EXOC4: variants seen among roughly 807,000 people sequenced by gnomAD.
The protein encoded by EXOC4 is SEC8-like 1.
Under a neutral mutation model 107.2 loss-of-function variants are expected in EXOC4, and 71 were observed. That is an observed-to-expected ratio of 0.66 (90% CI 0.55 to 0.81). The LOEUF (loss-of-function observed/expected upper bound fraction) is 0.81, where lower values mean the gene tolerates loss of function less well. Ranked by LOEUF, EXOC4 falls within the 30% of genes least tolerant of loss-of-function variation. The pLI is 0.00. For synonymous variants in EXOC4, 456 were observed against 441.2 expected (o/e 1.03, Z -0.42); for missense variants, 1,108 against 1,189.6 (o/e 0.93, Z 1.01).
chr7:133,828,704 C>T (rs1329752415), intron 11 of EXOC4, among the ~76,000 whole-genome samples: 1 of 152,170 alleles, frequency 6.6e-6, no homozygotes, highest in Non-Finnish European at 1.5e-5. Context: ...CCTGATACAT[C>T]TCTTATAACA....
At chr7:133,777,386 CGTT>C (rs1796370129) in intron 10 of EXOC4, among the ~76,000 whole-genome samples, 1 of 151,822 alleles carries the variant, frequency 6.6e-6, no homozygotes, top group Non-Finnish European at 1.5e-5. Context: ...TATCAGGAAA[CGTT>C]GTTACTGAAT....
intron 10 of EXOC4, among the ~76,000 whole-genome samples, chr7:133,698,190 C>G (rs1794578250): frequency 6.6e-6 from 1 of 151,922 alleles, no homozygotes; most frequent in Non-Finnish European, 1.5e-5. Flanking sequence ...CTCTCTGTAT[C>G]AGTGCCTTTC....
intron 17 of EXOC4, among the ~76,000 whole-genome samples, chr7:134,022,540 G>A (rs963136468): frequency 1.3e-5 from 2 of 151,790 alleles, no homozygotes; most frequent in African/African-American, 4.8e-5. Flanking sequence ...GTCTGTAATA[G>A]CTCTTTCCCC....
intron 2 of EXOC4, among the ~76,000 whole-genome samples, chr7:133,279,962 AT>A (rs897673591): frequency 2.6e-5 from 4 of 152,028 alleles, no homozygotes; most frequent in African/African-American, 9.7e-5. Context: ...AAAATTAATT[AT>A]TGATTTATTT....
At chr7:133,436,371 C>G (rs954641439) in intron 7 of EXOC4, among the ~76,000 whole-genome samples, 1 of 152,060 alleles carries the variant, frequency 6.6e-6, no homozygotes, top group Non-Finnish European at 1.5e-5. Context: ...TTTGAGATAG[C>G]TTTCTCCTTT....
At chr7:133,569,027 T>C (rs1036350671) in intron 9 of EXOC4, among the ~76,000 whole-genome samples, 1 of 152,084 alleles carries the variant, frequency 6.6e-6, no homozygotes, top group Non-Finnish European at 1.5e-5. Context: ...TAAATAGGGC[T>C]AAGAAAACTA....
chr7:133,493,977 G>A (rs1489583665), intron 9 of EXOC4, among the ~76,000 whole-genome samples: 1 of 152,152 alleles, frequency 6.6e-6, no homozygotes, highest in Non-Finnish European at 1.5e-5. Context: ...GTTGGAATAT[G>A]GCTAGTAAAG....
intron 10 of EXOC4, among the ~76,000 whole-genome samples, chr7:133,759,258 C>T (rs1795985251): frequency 6.6e-6 from 1 of 151,360 alleles, no homozygotes; most frequent in South Asian, 2.1e-4. Context: ...TTTGGGATTA[C>T]AAGGATGAGC....
At chr7:134,024,629 T>G (rs568992139) in intron 17 of EXOC4, among the ~76,000 whole-genome samples, 2 of 152,154 alleles carry the variant, frequency 1.3e-5, no homozygotes, top group African/African-American at 4.8e-5. Flanking sequence ...AAAATCTATG[T>G]TTAAGGAATT....
At chr7:133,282,054 G>A (rs1794168669) in intron 2 of EXOC4, among the ~76,000 whole-genome samples, 1 of 152,108 alleles carries the variant, frequency 6.6e-6, no homozygotes, top group Admixed American at 6.5e-5. Context: ...TCTTCCCCAG[G>A]CCTGTGTCCA....
chr7:133,942,203 A>G lies in EXOC4; in HGVS notation c.2206+4134A>G, dbSNP rs1800446351. Among the ~76,000 whole-genome samples the G allele has an allele frequency of 2.0e-5, 3 of 151,438 alleles. 1 individual carries two copies. Among genetic ancestry groups the G allele is most frequent in the Admixed American group, 2.0e-4 (3 of 15,218 alleles). ...TCTCTCTATCTTGGATTCTGTAAAA[A>G]TCTCTGGGATTAGAGATTCTACAAC... On this transcript the variant is annotated intron_variant, in intron 14 of 17. Transcript: ENST00000253861.
At chr7:133,608,311 C>G (rs907313640) in intron 9 of EXOC4, among the ~76,000 whole-genome samples, 2 of 151,890 alleles carry the variant, frequency 1.3e-5, no homozygotes, top group Admixed American at 6.6e-5. Context: ...TTGATTACCC[C>G]ATTTGAGTTT....
chr7:133,311,109 A>T (rs992937821), intron 4 of EXOC4, among the ~76,000 whole-genome samples: 3 of 152,220 alleles, frequency 2.0e-5, no homozygotes, highest in African/African-American at 4.8e-5. Context: ...AAATGGTGAG[A>T]CTGTCCTTGT....
intron 4 of EXOC4, among the ~76,000 whole-genome samples, chr7:133,309,646 G>GA (rs1563012366): frequency 6.6e-6 from 1 of 152,036 alleles, no homozygotes; most frequent in Admixed American, 6.6e-5. Context: ...AACCATTGTG[G>GA]AAAAAAAGGT....
chr7:133,421,179 G>A (rs1797595382), intron 7 of EXOC4, among the ~76,000 whole-genome samples: 1 of 152,042 alleles, frequency 6.6e-6, no homozygotes, highest in African/African-American at 2.4e-5. Context: ...AAAGTTCTTG[G>A]TAAAGTGTAA....
chr7:133,253,085 C>G lies in EXOC4; in HGVS notation c.-17C>G, dbSNP rs111966397. Reference sequence around the variant, plus strand: ...CCTTGGCTTCCTTGGAGCCTAGCGGCTCTCCCCGCGTCCAAGATGGCGGCA... The same window carrying G: ...CCTTGGCTTCCTTGGAGCCTAGCGGGTCTCCCCGCGTCCAAGATGGCGGCA... On this transcript the variant is annotated 5_prime_UTR_variant, in exon 1 of 18. Coordinates refer to ENST00000253861, the MANE Select transcript of EXOC4 (RefSeq NM_021807.4). 3 of 1,613,690 alleles carry G rather than the reference C, an allele frequency of 1.9e-6. No individual in the cohort carries two copies. In the African/African-American group the frequency reaches 4.0e-5, roughly 22 times the overall value.
intron 14 of EXOC4, among the ~76,000 whole-genome samples, chr7:133,993,407 C>G (rs1164493750): frequency 6.6e-6 from 1 of 152,010 alleles, no homozygotes; most frequent in African/African-American, 2.4e-5. Flanking sequence ...GCAATCCATG[C>G]TGAGGATCCT....
At chr7:133,459,478 A>G (rs146558407) in intron 7 of EXOC4, among the ~76,000 whole-genome samples, 184 of 152,354 alleles carry the variant, frequency 1.2e-3, no homozygotes, top group Middle Eastern at 3.4e-3. Flanking sequence ...TGATCCAGGT[A>G]TACAATTAAT....
chr7:133,590,053 A>C (rs1357608604), intron 9 of EXOC4, among the ~76,000 whole-genome samples: 1 of 152,078 alleles, frequency 6.6e-6, no homozygotes, highest in African/African-American at 2.4e-5. Flanking sequence ...CCCACCTCAC[A>C]GATTGAATAC....
Sources: gnomAD v4.1 joint callset for allele counts (sites outside exome capture counted in the v4.1 genomes callset) on GRCh38, gnomAD v4.1.1 for gene constraint, MANE v1.5 for transcripts, NCBI Gene and HGNC (gene_info 2026-07-23, HGNC 2026-07-21) for gene names.